The following PTPRK variants were observed in gnomAD, a reference collection of about 807,000 sequenced individuals.
The protein encoded by PTPRK is protein tyrosine phosphatase receptor type K.
PTPRK carries 75 observed loss-of-function variants against 178.0 expected under a neutral mutation model. The observed-to-expected ratio is 0.42, with a 90% confidence interval of 0.35 to 0.51. PTPRK has a LOEUF of 0.51. PTPRK is among the 20% of genes least tolerant of loss of function. The probability of loss-of-function intolerance (pLI) is 0.02; values close to 1 mark genes in which losing one functional copy is unlikely to be tolerated. For synonymous variants in PTPRK, 637 were observed against 620.6 expected (o/e 1.03, Z -0.39); for missense variants, 1,441 against 1,797.8 (o/e 0.80, Z 3.59).
At chr6:128,047,018 A>C (rs990205801) in intron 13 of PTPRK, among the ~76,000 whole-genome samples, 7 of 152,186 alleles carry the variant, frequency 4.6e-5, no homozygotes, top group Admixed American at 3.9e-4. Flanking sequence ...GCATCAGACA[A>C]AATTAAGATT....
At chr6:128,154,890 T>C (rs1369853674) in intron 7 of PTPRK, among the ~76,000 whole-genome samples, 1 of 151,718 alleles carries the variant, frequency 6.6e-6, no homozygotes, top group Admixed American at 6.6e-5. Context: ...CACATGTACC[T>C]AGATTCATTA....
chr6:128,085,751 A>G (rs1484763637), intron 8 of PTPRK, among the ~76,000 whole-genome samples: 1 of 152,216 alleles, frequency 6.6e-6, no homozygotes, highest in African/African-American at 2.4e-5. Context: ...AGAATTCACT[A>G]CAAGTACCTA....
At chr6:128,179,842 T>C (rs1801638507) in intron 7 of PTPRK, among the ~76,000 whole-genome samples, 1 of 152,058 alleles carries the variant, frequency 6.6e-6, no homozygotes. Context: ...TGCCTGAGTA[T>C]TATTTTGTTT....
At chr6:128,135,529 G>T (rs1280305123) in intron 7 of PTPRK, among the ~76,000 whole-genome samples, 1 of 152,204 alleles carries the variant, frequency 6.6e-6, no homozygotes, top group African/African-American at 2.4e-5. Context: ...TCCCAGAACT[G>T]TTTTTCAATG....
At chr6:128,100,626 C>A (rs920929620) in intron 7 of PTPRK, among the ~76,000 whole-genome samples, 10 of 151,910 alleles carry the variant, frequency 6.6e-5, no homozygotes, top group African/African-American at 2.4e-4. Flanking sequence ...CCTATGAAAT[C>A]TCTTTCAATA....
chr6:128,148,158 G>C (rs1207695539), intron 7 of PTPRK, among the ~76,000 whole-genome samples: 3 of 152,052 alleles, frequency 2.0e-5, no homozygotes, highest in African/African-American at 7.2e-5. Context: ...TATTAAGAGG[G>C]GCACTGATGA....
intron 7 of PTPRK, among the ~76,000 whole-genome samples, chr6:128,103,837 T>G (rs992145155): frequency 2.6e-5 from 4 of 152,168 alleles, no homozygotes; most frequent in African/African-American, 9.7e-5. Flanking sequence ...TTCCCACAGT[T>G]TGTTACAGGG....
At chr6:128,381,785 G>C (rs76915341) in intron 2 of PTPRK, among the ~76,000 whole-genome samples, 3,726 of 152,168 alleles carry the variant, frequency 0.024, 146 homozygotes, top group African/African-American at 0.084. Context: ...TTAAATTCAG[G>C]TTACTCAGGT....
intron 7 of PTPRK, among the ~76,000 whole-genome samples, chr6:128,134,569 G>C (rs1794733796): frequency 6.6e-6 from 1 of 152,126 alleles, no homozygotes; most frequent in Admixed American, 6.5e-5. Flanking sequence ...CCAGCACTTA[G>C]GGAGGCCGAG....
chr6:128,498,963 T>G (rs998322040), intron 1 of PTPRK, among the ~76,000 whole-genome samples: 20 of 152,242 alleles, frequency 1.3e-4, no homozygotes, highest in Non-Finnish European at 1.9e-4. Flanking sequence ...ATTTCAATGT[T>G]CCATTGAGTA....
intron 13 of PTPRK, among the ~76,000 whole-genome samples, chr6:128,055,945 G>A (rs962112776): frequency 2.0e-5 from 3 of 149,758 alleles, no homozygotes; most frequent in South Asian, 4.2e-4. Flanking sequence ...CTTACCAGAA[G>A]TGTCCATTAT....
intron 1 of PTPRK, among the ~76,000 whole-genome samples, chr6:128,457,575 T>C (rs1044920610): frequency 6.6e-6 from 1 of 152,108 alleles, no homozygotes; most frequent in African/African-American, 2.4e-5. Context: ...ATATTTGCCA[T>C]TGTGCTTATG....
At chr6:128,119,066 C>T (rs1050346744) in intron 7 of PTPRK, among the ~76,000 whole-genome samples, 1 of 151,966 alleles carries the variant, frequency 6.6e-6, no homozygotes, top group Non-Finnish European at 1.5e-5. Flanking sequence ...GGTGAAGATA[C>T]TAAGTGACAT....
At chr6:128,433,393 T>C (rs1202006485) in intron 1 of PTPRK, among the ~76,000 whole-genome samples, 1 of 152,216 alleles carries the variant, frequency 6.6e-6, no homozygotes, top group Non-Finnish European at 1.5e-5. Context: ...TTTCTGTGCC[T>C]GGCATATTTC....
intron 1 of PTPRK, among the ~76,000 whole-genome samples, chr6:128,433,698 A>T (rs959842952): frequency 7.9e-5 from 12 of 151,540 alleles, no homozygotes; most frequent in Non-Finnish European, 1.6e-4. Context: ...TGTATTTTTG[A>T]TAGAGACAGG....
chr6:128,456,792 A>C (rs953749767), intron 1 of PTPRK, among the ~76,000 whole-genome samples: 1 of 152,160 alleles, frequency 6.6e-6, no homozygotes, highest in African/African-American at 2.4e-5. Flanking sequence ...ACAGAGAAAG[A>C]AAATGTCCTT....
At chr6:128,045,719 A>C (rs1164113659) in intron 13 of PTPRK, among the ~76,000 whole-genome samples, 2 of 152,146 alleles carry the variant, frequency 1.3e-5, no homozygotes, top group Non-Finnish European at 2.9e-5. Context: ...TAATTAATTC[A>C]GCCATTCCAA....
At chr6:128,055,740 T>A (rs896537287) in intron 13 of PTPRK, among the ~76,000 whole-genome samples, 9 of 151,968 alleles carry the variant, frequency 5.9e-5, no homozygotes, top group Admixed American at 3.3e-4. Flanking sequence ...ATTGTGACTA[T>A]AAGTGTGTGC....
At chr6:128,095,580 C>T (rs1011039357) in intron 7 of PTPRK, among the ~76,000 whole-genome samples, 15 of 152,156 alleles carry the variant, frequency 9.9e-5, no homozygotes, top group Non-Finnish European at 2.1e-4. Flanking sequence ...TTCCCTTGGA[C>T]ACCCCATCAA....
Sources: allele counts gnomAD v4.1 joint callset (sites outside exome capture counted in the v4.1 genomes callset), GRCh38; gene constraint gnomAD v4.1.1; transcripts MANE v1.5; gene names NCBI Gene and HGNC (gene_info 2026-07-23, HGNC 2026-07-21).